Variants in VDAC3 observed in about 807,000 individuals in gnomAD.
The protein encoded by VDAC3 is non-selective voltage-gated ion channel VDAC3.
Under a neutral mutation model 33.9 loss-of-function variants are expected in VDAC3, and 7 were observed. The observed-to-expected ratio is 0.21, with a 90% CI of 0.12 to 0.39. The LOEUF (loss-of-function observed/expected upper bound fraction) is 0.39. Among genes scored for constraint, VDAC3 ranks in the 10% least tolerant of loss-of-function variants. The pLI is 1.00. For missense variants in VDAC3, 261 were observed against 334.5 expected, an observed-to-expected ratio of 0.78 and a Z score of 1.71; for synonymous variants, 100 against 122.4, an observed-to-expected ratio of 0.82 and a Z score of 1.21.
intron 7 of VDAC3, among the ~76,000 whole-genome samples, chr8:42,402,432 C>T (rs990787000): frequency 2.6e-5 from 4 of 152,110 alleles, no homozygotes; most frequent in Admixed American, 6.5e-5. Flanking sequence ...TGGGACATCC[C>T]GGTAATTCTG....
chr8:42,399,812 G>T (rs1322607601), intron 6 of VDAC3, 109 bp downstream of exon 6: 1 of 1,020,104 alleles, frequency 9.8e-7, no homozygotes, highest in East Asian at 2.5e-5. Context: ...GAACTCAGAA[G>T]GTTGCTATAA....
At chr8:42,399,540 G>A (rs1004667094) in intron 5 of VDAC3, 111 bp from the exon 6 acceptor site, 1 of 967,482 alleles carries the variant, frequency 1.0e-6, no homozygotes, top group Non-Finnish European at 1.5e-6. Context: ...TTGCTTTCTT[G>A]AATGACTCCT....
intron 4 of VDAC3, chr8:42,396,781 A>G: frequency 1.6e-6 from 1 of 643,910 alleles, no homozygotes; most frequent in African/African-American, 1.8e-5. Context: ...AATTTCTTAG[A>G]TTGTGTCTTG....
At position 42,405,251 on chromosome 8, in the gene VDAC3, T is replaced by G. The variant is rs182336546; in HGVS notation, c.761-120T>G. ...AATAACCGATTGAGTAATAGCTGTT[T>G]GCTTATAGCTCGTATACCCAGCTAC... On this transcript the variant is annotated intron_variant, in intron 9 of 9. Transcript: ENST00000022615. 1,426 of 764,520 alleles carry G rather than the reference T, an allele frequency of 1.9e-3. 5 individuals carry two copies. Among genetic ancestry groups the G allele is most frequent in the Non-Finnish European group, 1.8e-3 (810 of 461,860 alleles). The allele number at this position is 764,520 out of a possible 1,614,324, so 47.4% of individuals were successfully genotyped here.
chr8:42,396,882 A>G, intron 4 of VDAC3: 2 of 518,404 alleles, frequency 3.9e-6, no homozygotes, highest in Non-Finnish European at 6.8e-6. Flanking sequence ...TATGCATGTT[A>G]TATGCATGTT....
Position 42,398,475 on chromosome 8 carries a change from G to A in VDAC3, c.118-237G>A, listed in dbSNP as rs545875321. ...GCTCCTGGACTCAAGGGATCCACCC[G>A]CCTTGGCCTCGTAACATGCTGGGAT... On this transcript the variant is annotated intron_variant, in intron 4 of 9. Coordinates refer to ENST00000022615, the MANE Select transcript of VDAC3 (RefSeq NM_005662.7). Among the ~76,000 whole-genome samples, 10 of 152,158 alleles carry A rather than the reference G, an allele frequency of 6.6e-5. No homozygotes were observed. In the South Asian group the frequency reaches 1.5e-3, roughly 22 times the overall value.
chr8:42,399,252 C>T (rs1802373785), intron 5 of VDAC3, among the ~76,000 whole-genome samples: 1 of 152,120 alleles, frequency 6.6e-6, no homozygotes, highest in Non-Finnish European at 1.5e-5. Context: ...ATGTACAGGG[C>T]ACTGTTTTTG....
intron 6 of VDAC3, among the ~76,000 whole-genome samples, chr8:42,400,062 G>T (rs1266017751): frequency 1.3e-5 from 2 of 152,202 alleles, no homozygotes; most frequent in Non-Finnish European, 2.9e-5. Flanking sequence ...TTTTGGCTGG[G>T]CGTGGTGGCT....
chr8:42,401,079 T>C (rs1475961134), intron 6 of VDAC3, among the ~76,000 whole-genome samples: 1 of 152,226 alleles, frequency 6.6e-6, no homozygotes, highest in African/African-American at 2.4e-5. Context: ...TAATAATGTA[T>C]ATTGGGGATT....
chr8:42,403,594 T>C, intron 8 of VDAC3, 133 bp downstream of exon 8: 1 of 1,029,662 alleles, frequency 9.7e-7, no homozygotes, highest in Admixed American at 3.1e-5. Flanking sequence ...GTGAAAGGAA[T>C]ATAATGTGGC....
intron 8 of VDAC3, 28 bp from the exon 9 acceptor site, chr8:42,404,839 C>G: frequency 6.3e-7 from 1 of 1,591,806 alleles, no homozygotes; most frequent in Non-Finnish European, 8.6e-7. Flanking sequence ...TCACTGTTTT[C>G]TGTTATTATT....
rs185121501 is a variant in VDAC3 at position 42,396,936 on chromosome 8, C to G, written c.118-1776C>G. The G allele has an allele frequency of 1.2e-3, 538 of 432,830 alleles. 1 individual carries two copies. Among genetic ancestry groups the G allele is most frequent in the African/African-American group, 0.01 (503 of 49,278 alleles). 26.8% of individuals were successfully genotyped at this position (432,830 alleles called of 1,614,324 possible). The stretch of plus-strand genomic sequence containing the variant: ...TGTTTGACCAAATTATGAAATTAGA[C>G]ACAAACTGAACTGTGAATCGTGAGC... On this transcript the variant is annotated intron_variant, in intron 4 of 9. Transcript: ENST00000022615.
At chr8:42,404,803 A>T (rs1057217522) in intron 8 of VDAC3, 64 bp from the exon 9 acceptor site, 1 of 1,391,176 alleles carries the variant, frequency 7.2e-7, no homozygotes, top group Non-Finnish European at 1.0e-6. Flanking sequence ...GCACAAAGTG[A>T]TGGTTATATT....
chr8:42,401,769 G>A lies in VDAC3; in HGVS notation c.324-19G>A, dbSNP rs749142791. Reference sequence around the variant, plus strand: ...CATGTTGTTTTCATCATTTGCTTTTGTTTGTTTGTTTATTGCAGAAAGAAG... The same window carrying A: ...CATGTTGTTTTCATCATTTGCTTTTATTTGTTTGTTTATTGCAGAAAGAAG... On this transcript the variant is annotated intron_variant, in intron 6 of 9. Transcript: ENST00000022615. 11 of 1,606,414 alleles carry A rather than the reference G, an allele frequency of 6.8e-6. No homozygotes were observed. The South Asian group carries it at 9.9e-5, about 14-fold the overall frequency.
chr8:42,401,033 G>A (rs1802407252), intron 6 of VDAC3, among the ~76,000 whole-genome samples: 1 of 151,810 alleles, frequency 6.6e-6, no homozygotes, highest in Non-Finnish European at 1.5e-5. Flanking sequence ...TTTCAGTATT[G>A]TCCTTCAAAA....
chr8:42,397,276 T>G (rs1802333039), intron 4 of VDAC3: 1 of 152,436 alleles, frequency 6.6e-6, no homozygotes, highest in Admixed American at 6.5e-5. Flanking sequence ...GTTATCATTT[T>G]TTTTTTACTA....
At chr8:42,404,999 C>A (rs1585954828) in intron 9 of VDAC3, 75 bp downstream of exon 9, 1 of 1,351,212 alleles carries the variant, frequency 7.4e-7, no homozygotes, top group Non-Finnish European at 1.1e-6. Flanking sequence ...ACCTGCAGAA[C>A]AACCTGTAGT....
At position 42,398,875 on chromosome 8, in the gene VDAC3, G is replaced by A. The variant is rs767096442; in HGVS notation, c.270+11G>A. 37 of 1,611,606 alleles carry A rather than the reference G, an allele frequency of 2.3e-5. 1 individual carries two copies. The highest frequency in any genetic ancestry group is 1.7e-4 in the Middle Eastern group (1 of 6,056). ...TCTTGGGAGAATAAGGTAAGAGAAC[G>A]CATTAGAAGTTATTCATAGGTTCAA... On this transcript the variant is annotated intron_variant, in intron 5 of 9. Coordinates refer to ENST00000022615, the MANE Select transcript of VDAC3 (RefSeq NM_005662.7).
At chr8:42,400,357 T>A (rs1455333471) in intron 6 of VDAC3, among the ~76,000 whole-genome samples, 3 of 151,954 alleles carry the variant, frequency 2.0e-5, no homozygotes, top group Non-Finnish European at 2.9e-5. Flanking sequence ...TAATTCCTTT[T>A]TTTTCCCCCT....
Sources: gnomAD v4.1 joint callset for allele counts (sites outside exome capture counted in the v4.1 genomes callset) on GRCh38, gnomAD v4.1.1 for gene constraint, MANE v1.5 for transcripts, NCBI Gene and HGNC (gene_info 2026-07-23, HGNC 2026-07-21) for gene names.